FEZ1: variants seen among roughly 807,000 people sequenced by gnomAD.
The protein encoded by FEZ1 is fasciculation and elongation protein zeta-1.
FEZ1 carries 20 observed loss-of-function variants against 49.3 expected under a neutral mutation model. The observed-to-expected ratio is 0.41, with a 90% CI of 0.29 to 0.59. The LOEUF is 0.59. FEZ1 is among the 20% of genes least tolerant of loss of function. FEZ1 has a pLI of 0.36. For missense variants in FEZ1, 413 were observed against 476.0 expected (o/e 0.87, Z 1.23); for synonymous variants, 170 against 180.9 (o/e 0.94, Z 0.48).
chr11:125,449,431 A>G lies in FEZ1; in HGVS notation c.1097-864T>C, dbSNP rs866007047. ...CTTTGTCTCTATAAAAAAAAAAAAA[A>G]AAAAAAAAAAAAGAAGAAGAGGAAG... On this transcript the variant is annotated intron_variant, in intron 8 of 9. Coordinates refer to ENST00000278919, the MANE Select transcript of FEZ1 (RefSeq NM_005103.5). 2.5e-3 allele frequency among the ~76,000 whole-genome samples: 364 copies of G among 148,278 alleles called. 8 individuals are homozygous for G. Among genetic ancestry groups the G allele is most frequent in the Middle Eastern group, 6.9e-3 (2 of 290 alleles).
intron 6 of FEZ1, 161 bp downstream of exon 6, chr11:125,455,674 G>A (rs1957002957): frequency 1.4e-6 from 1 of 739,696 alleles, no homozygotes; most frequent in Non-Finnish European, 2.4e-6. Context: ...GAGGAGATAG[G>A]TGATATCTTC....
chr11:125,465,094 A>G (rs1957114905), intron 3 of FEZ1, among the ~76,000 whole-genome samples: 1 of 152,206 alleles, frequency 6.6e-6, no homozygotes, highest in South Asian at 2.1e-4. Context: ...GAAGAAATGT[A>G]TCAATATGAA....
chr11:125,484,054 T>C (rs1382562477), intron 2 of FEZ1, among the ~76,000 whole-genome samples: 1 of 152,228 alleles, frequency 6.6e-6, no homozygotes, highest in Non-Finnish European at 1.5e-5. Context: ...GCTGACATAC[T>C]TTTTATCCTT....
rs1357867694 is a variant in FEZ1 at position 125,442,892 on chromosome 11, CA to C, written c.*3202del. On this transcript the variant is annotated 3_prime_UTR_variant, in exon 10 of 10. Coordinates refer to ENST00000278919, the MANE Select transcript of FEZ1 (RefSeq NM_005103.5). The stretch of plus-strand genomic sequence containing the variant: ...CTGGGACTACAGGCGTGCACCACTA[CA>C]GCTGGCTAATTTTTGTATTTTCAGT... Among the ~76,000 whole-genome samples the C allele has an allele frequency of 6.6e-6, 1 of 152,040 alleles. No homozygotes were observed. The highest frequency in any genetic ancestry group is 1.5e-5 in the Non-Finnish European group (1 of 68,014).
At chr11:125,486,755 C>A (rs1285604723) in intron 2 of FEZ1, among the ~76,000 whole-genome samples, 3 of 152,190 alleles carry the variant, frequency 2.0e-5, no homozygotes, top group Non-Finnish European at 4.4e-5. Flanking sequence ...AAGTTTATAA[C>A]AATAACATTA....
intron 3 of FEZ1, among the ~76,000 whole-genome samples, chr11:125,464,393 C>A (rs1957105389): frequency 6.6e-6 from 1 of 152,238 alleles, no homozygotes; most frequent in Non-Finnish European, 1.5e-5. Context: ...AAACACCTAA[C>A]AAGCTGTATG....
At chr11:125,446,894 A>T (rs975123217) in intron 9 of FEZ1, among the ~76,000 whole-genome samples, 3 of 151,904 alleles carry the variant, frequency 2.0e-5, no homozygotes, top group African/African-American at 7.3e-5. Flanking sequence ...AGGCTGGACA[A>T]GTTATTTTTA....
At chr11:125,452,572 G>T in intron 7 of FEZ1, 163 bp from the exon 8 acceptor site, 1 of 571,034 alleles carries the variant, frequency 1.8e-6, no homozygotes. Flanking sequence ...CCTCTTTAGG[G>T]AATGTCTCTT....
rs796814222 is a variant in FEZ1 at position 125,456,500 on chromosome 11, G to A, written c.668-394C>T. ...AGGTTTTTGTCATCCATACTGAAGA[G>A]CAATAGAGACGTTGGTGCTTATTCC... On this transcript the variant is annotated intron_variant, in intron 5 of 9. Coordinates refer to ENST00000278919, the MANE Select transcript of FEZ1 (RefSeq NM_005103.5). 2.0e-5 allele frequency among the ~76,000 whole-genome samples: 3 copies of A among 152,342 alleles called. No individual in the cohort carries two copies. The South Asian group carries it at 6.2e-4, about 32-fold the overall frequency.
At chr11:125,454,061 C>A (rs1373056369) in intron 7 of FEZ1, 69 bp downstream of exon 7, 2 of 1,027,938 alleles carry the variant, frequency 1.9e-6, no homozygotes, top group Admixed American at 2.1e-5. Flanking sequence ...CACTGTCCCC[C>A]TGCGTTGCTG....
chr11:125,461,580 C>T (rs1168023213), intron 4 of FEZ1, among the ~76,000 whole-genome samples: 1 of 152,072 alleles, frequency 6.6e-6, no homozygotes, highest in Admixed American at 6.6e-5. Flanking sequence ...GGACTCCAGC[C>T]TGGGCAATAG....
At chr11:125,452,571 G>T in intron 7 of FEZ1, 162 bp from the exon 8 acceptor site, 4 of 561,074 alleles carry the variant, frequency 7.1e-6, no homozygotes, top group Admixed American at 3.2e-5. Context: ...CCCTCTTTAG[G>T]GAATGTCTCT....
At chr11:125,451,625 A>G (rs1354515308) in intron 8 of FEZ1, 5 of 152,030 alleles carry the variant, frequency 3.3e-5, no homozygotes, top group Admixed American at 2.6e-4. Context: ...ACCACATCTC[A>G]GCCTAGGATT....
At chr11:125,458,126 C>G (rs901500620) in intron 5 of FEZ1, among the ~76,000 whole-genome samples, 1 of 152,166 alleles carries the variant, frequency 6.6e-6, no homozygotes, top group East Asian at 1.9e-4. Flanking sequence ...CACCTCCTGC[C>G]GCTGCTATTC....
At chr11:125,488,408 T>C (rs758961542) in intron 2 of FEZ1, among the ~76,000 whole-genome samples, 3 of 152,144 alleles carry the variant, frequency 2.0e-5, no homozygotes, top group Admixed American at 6.5e-5. Context: ...GGGCCAGGTG[T>C]GGTGACTCAC....
Position 125,443,386 on chromosome 11 carries a change from T to C in FEZ1, c.*2709A>G, listed in dbSNP as rs1484679226. Reference sequence around the variant, plus strand: ...GCCACAAATTCCCTAGGTTCAGCATTGAAGAGTCAAGGATTCAGCAACTCT... The same window carrying C: ...GCCACAAATTCCCTAGGTTCAGCATCGAAGAGTCAAGGATTCAGCAACTCT... On this transcript the variant is annotated 3_prime_UTR_variant, in exon 10 of 10. Coordinates refer to ENST00000278919, the MANE Select transcript of FEZ1 (RefSeq NM_005103.5). Among the ~76,000 whole-genome samples, 1 of 152,152 alleles carries C rather than the reference T, an allele frequency of 6.6e-6. No individual in the cohort carries two copies. Among genetic ancestry groups the C allele is most frequent in the African/African-American group, 2.4e-5 (1 of 41,444 alleles).
chr11:125,447,879 G>A (rs941323003), intron 9 of FEZ1, among the ~76,000 whole-genome samples: 6 of 152,046 alleles, frequency 3.9e-5, no homozygotes, highest in African/African-American at 1.4e-4. Flanking sequence ...ATGGTATTAT[G>A]GCTATGTTTT....
At chr11:125,492,186 A>T (rs1957388828) in intron 1 of FEZ1, among the ~76,000 whole-genome samples, 1 of 152,112 alleles carries the variant, frequency 6.6e-6, no homozygotes, top group African/African-American at 2.4e-5. Flanking sequence ...AGTACATCTC[A>T]CTTTGGACTA....
intron 1 of FEZ1, among the ~76,000 whole-genome samples, chr11:125,494,661 C>G (rs1372769497): frequency 6.6e-6 from 1 of 152,192 alleles, no homozygotes; most frequent in Non-Finnish European, 1.5e-5. Context: ...ACAATCTATT[C>G]CATTTATTTT....
Sources: allele counts gnomAD v4.1 joint callset (sites outside exome capture counted in the v4.1 genomes callset), GRCh38; gene constraint gnomAD v4.1.1; transcripts MANE v1.5; gene names NCBI Gene and HGNC (gene_info 2026-07-23, HGNC 2026-07-21).